GASK1A: variants seen among roughly 807,000 people sequenced by gnomAD.
GASK1A encodes the protein golgi associated kinase 1A, also known as Golgi-associated kinase 1A.
In GASK1A, 40 loss-of-function variants were observed where a neutral mutation model predicts 41.2. The observed-to-expected ratio is 0.97, with a 90% CI of 0.75 to 1.27. GASK1A has a LOEUF of 1.27. GASK1A is among the 50% of genes most tolerant of loss of function. The pLI is 0.00. For missense variants in GASK1A, 678 were observed against 745.1 expected (o/e 0.91, Z 1.05); for synonymous variants, 316 against 307.1 (o/e 1.03, Z -0.30).
intron 1 of GASK1A, among the ~76,000 whole-genome samples, chr3:43,011,196 A>G (rs896926541): frequency 2.0e-5 from 3 of 152,138 alleles, no homozygotes; most frequent in Non-Finnish European, 4.4e-5. Flanking sequence ...ATCCTGGCCA[A>G]CATGGTGAAA....
At chr3:43,029,103 G>A (rs555217840) in intron 1 of GASK1A, among the ~76,000 whole-genome samples, 1 of 152,272 alleles carries the variant, frequency 6.6e-6, no homozygotes, top group Admixed American at 6.5e-5. Flanking sequence ...GGGGAGGGAA[G>A]GTGAGCTTAA....
At chr3:43,010,199 A>G (rs966381841) in intron 1 of GASK1A, among the ~76,000 whole-genome samples, 3 of 152,120 alleles carry the variant, frequency 2.0e-5, no homozygotes, top group Non-Finnish European at 4.4e-5. Flanking sequence ...GTTGGGTTCC[A>G]GGCCGTTATA....
At position 42,984,818 on chromosome 3, in the gene GASK1A, T is replaced by C. The variant is rs772983331; in HGVS notation, c.3+5173T>C. Among the ~76,000 whole-genome samples the C allele has an allele frequency of 1.3e-5, 2 of 151,964 alleles. No homozygotes were observed. Among genetic ancestry groups the C allele is most frequent in the Non-Finnish European group, 2.9e-5 (2 of 67,984 alleles). ...GCATGCAGGGGAGTGAGCAAGCAGG[T>C]GGGGGTCTCCGTGACTTGCTTTGGT... is the stretch of plus-strand genomic sequence containing the variant. On this transcript the variant is annotated intron_variant, in intron 1 of 4. Coordinates refer to ENST00000430121, the MANE Select transcript of GASK1A (RefSeq NM_001129908.3). This position sits in a 1 kb window ranked among gnomAD's most constrained non-coding sequence, Gnocchi z 4.2.
rs772016103 is a variant in GASK1A, at chr3:42,984,789, A to G, written c.3+5144A>G. ...GTCCTTTAAATGAATACTTGGCATGAATGGCATGCAGGGGAGTGAGCAAGC... is the reference window on the plus strand; with the variant it reads ...GTCCTTTAAATGAATACTTGGCATGGATGGCATGCAGGGGAGTGAGCAAGC... On this transcript the variant is annotated intron_variant, in intron 1 of 4. Coordinates refer to ENST00000430121, the MANE Select transcript of GASK1A (RefSeq NM_001129908.3). This position sits in a 1 kb window ranked among gnomAD's most constrained non-coding sequence, Gnocchi z 4.2. Among the ~76,000 whole-genome samples the G allele has an allele frequency of 5.9e-5, 9 of 152,204 alleles. No homozygotes were observed. The highest frequency in any genetic ancestry group is 1.2e-4 in the Non-Finnish European group (8 of 68,038).
chr3:43,038,664 A>G lies in GASK1A; in HGVS notation c.1290+5111A>G, dbSNP rs956076148. ...ATTGCTTGTTCTTGAGAACTTTCCCATCAAGAATTTAGTAGAAGCAGGTAT... is the reference window on the plus strand; with the variant it reads ...ATTGCTTGTTCTTGAGAACTTTCCCGTCAAGAATTTAGTAGAAGCAGGTAT... On this transcript the variant is annotated intron_variant, in intron 2 of 4. Transcript: ENST00000430121. Among the ~76,000 whole-genome samples, 6 of 152,032 alleles carry G rather than the reference A, an allele frequency of 3.9e-5. No homozygotes were observed. In the East Asian group the frequency reaches 5.8e-4, roughly 15 times the overall value.
Position 43,032,797 on chromosome 3 carries a change from C to T in GASK1A, c.534C>T (p.Asp178=). ...VTLVSPLPGS[D]MAALPAWRAT... ...TGGTCAGTCCACTCCCAGGGAGTGACATGGCAGCTTTACCGGCTTGGAGAG... is the reference window on the plus strand; with the variant it reads ...TGGTCAGTCCACTCCCAGGGAGTGATATGGCAGCTTTACCGGCTTGGAGAG... Residue 178 remains aspartate (D), a synonymous_variant, in exon 2 of 5, where the codon GAC becomes GAT. Transcript: ENST00000430121. 2 of 1,550,738 alleles carry T rather than the reference C, an allele frequency of 1.3e-6. No individual in the cohort carries two copies. The highest frequency in any genetic ancestry group is 1.7e-6 in the Non-Finnish European group (2 of 1,146,990).
At chr3:43,040,872 T>TGCCCC (rs2089632997) in intron 2 of GASK1A, among the ~76,000 whole-genome samples, 1 of 54,058 alleles carries the variant, frequency 1.8e-5, no homozygotes, top group Non-Finnish European at 5.3e-5. Flanking sequence ...CCCAATGCTA[T>TGCCCC]CCCTCCCCCC....
intron 1 of GASK1A, among the ~76,000 whole-genome samples, chr3:43,008,011 A>G (rs942510724): frequency 2.0e-5 from 3 of 152,200 alleles, no homozygotes; most frequent in African/African-American, 7.2e-5. Flanking sequence ...TGGAGAAGAA[A>G]GGCAGGTGGA....
At chr3:43,055,665 C>T (rs191627292) in intron 4 of GASK1A, 130 bp downstream of exon 4, 2 of 687,828 alleles carry the variant, frequency 2.9e-6, no homozygotes, top group Admixed American at 2.4e-5. Context: ...TGGATCAGAA[C>T]TTTAGGCGGT....
At chr3:43,007,628 C>T (rs2089443473) in intron 1 of GASK1A, among the ~76,000 whole-genome samples, 1 of 152,236 alleles carries the variant, frequency 6.6e-6, no homozygotes, top group Admixed American at 6.5e-5. Context: ...CATTGCTACT[C>T]ATTCACCTGC....
At chr3:43,005,251 G>A (rs2089430392) in intron 1 of GASK1A, among the ~76,000 whole-genome samples, 1 of 152,214 alleles carries the variant, frequency 6.6e-6, no homozygotes, top group Non-Finnish European at 1.5e-5. Context: ...TGGGGATTAG[G>A]ACATGGATAT....
chr3:42,998,261 G>A (rs1206699988), intron 1 of GASK1A, among the ~76,000 whole-genome samples: 2 of 152,082 alleles, frequency 1.3e-5, no homozygotes, highest in South Asian at 2.1e-4. Flanking sequence ...AATATTCTGG[G>A]GGCCTCATAT....
intron 1 of GASK1A, among the ~76,000 whole-genome samples, chr3:43,006,480 G>C (rs1170190564): frequency 6.6e-6 from 1 of 152,210 alleles, no homozygotes. Context: ...AGAATTAAAA[G>C]AAATAATTTT....
intron 1 of GASK1A, 95 bp from the exon 2 acceptor site, chr3:43,032,172 C>A: frequency 2.0e-6 from 2 of 994,248 alleles, no homozygotes; most frequent in South Asian, 3.7e-5. Flanking sequence ...CTCTCATGAA[C>A]TGAGCACCTC....
At chr3:43,056,089 G>A in intron 4 of GASK1A, 87 bp from the exon 5 acceptor site, 1 of 1,078,600 alleles carries the variant, frequency 9.3e-7, no homozygotes, top group Non-Finnish European at 1.3e-6. Flanking sequence ...GCAAGCTCTG[G>A]CCATCTGGCA....
chr3:43,022,975 G>A (rs1207470977), intron 1 of GASK1A, among the ~76,000 whole-genome samples: 1 of 152,210 alleles, frequency 6.6e-6, no homozygotes, highest in Non-Finnish European at 1.5e-5. Flanking sequence ...AAAGCAAGTT[G>A]TGGCATAGTC....
intron 2 of GASK1A, among the ~76,000 whole-genome samples, chr3:43,046,662 A>T (rs780599973): frequency 6.6e-6 from 1 of 152,218 alleles, no homozygotes; most frequent in Non-Finnish European, 1.5e-5. Flanking sequence ...CCAAATGTCA[A>T]TGCCAAGACA....
At chr3:43,008,828 C>T (rs569258687) in intron 1 of GASK1A, among the ~76,000 whole-genome samples, 1 of 152,316 alleles carries the variant, frequency 6.6e-6, no homozygotes, top group South Asian at 2.1e-4. Flanking sequence ...TCCCTGAAAC[C>T]TCTTCACACG....
At chr3:43,045,366 A>T (rs993697424) in intron 2 of GASK1A, among the ~76,000 whole-genome samples, 2 of 152,132 alleles carry the variant, frequency 1.3e-5, no homozygotes, top group Non-Finnish European at 2.9e-5. Flanking sequence ...TGGACCCTGG[A>T]CATCTTCCAA....
Sources: allele counts gnomAD v4.1 joint callset (sites outside exome capture counted in the v4.1 genomes callset), GRCh38; gene constraint gnomAD v4.1.1; non-coding constraint Gnocchi (gnomAD v3.1); transcripts MANE v1.5; gene names NCBI Gene and HGNC (gene_info 2026-07-23, HGNC 2026-07-21).